The following FSTL5 variants were observed in gnomAD, a reference collection of about 807,000 sequenced individuals.
FSTL5 encodes the protein follistatin-related protein 5.
In FSTL5, 62 loss-of-function variants were observed where a neutral mutation model predicts 89.1. That is an observed-to-expected ratio of 0.70 (90% CI 0.57 to 0.86). FSTL5 has a LOEUF of 0.86. Among genes scored for constraint, FSTL5 ranks in the 40% least tolerant of loss-of-function variants. The pLI is 0.00. For synonymous variants in FSTL5, 383 were observed against 346.2 expected, an observed-to-expected ratio of 1.11 and a Z score of -1.18; for missense variants, 1,057 against 1,001.6, an observed-to-expected ratio of 1.06 and a Z score of -0.75.
At chr4:162,108,360 T>A (rs1278991678) in intron 2 of FSTL5, among the ~76,000 whole-genome samples, 1 of 152,068 alleles carries the variant, frequency 6.6e-6, no homozygotes. Context: ...CCTTTTTGAT[T>A]CCAAAATTGG....
chr4:161,838,444 G>A (rs949453536), intron 4 of FSTL5, among the ~76,000 whole-genome samples: 1 of 151,954 alleles, frequency 6.6e-6, no homozygotes, highest in Non-Finnish European at 1.5e-5. Flanking sequence ...CACCGCGCCC[G>A]GCTAATTTTT....
chr4:161,424,726 C>T (rs761514004), intron 15 of FSTL5, among the ~76,000 whole-genome samples: 35 of 152,122 alleles, frequency 2.3e-4, no homozygotes, highest in Non-Finnish European at 4.7e-4. Flanking sequence ...TTATTTTGGA[C>T]TGAGCTCCTG....
At chr4:161,578,325 G>C (rs1733305820) in intron 8 of FSTL5, among the ~76,000 whole-genome samples, 1 of 151,968 alleles carries the variant, frequency 6.6e-6, no homozygotes, top group African/African-American at 2.4e-5. Flanking sequence ...TTAGGAAAAA[G>C]AACTCTGGTA....
intron 3 of FSTL5, among the ~76,000 whole-genome samples, chr4:161,955,859 G>A (rs1233924395): frequency 6.6e-6 from 1 of 151,672 alleles, no homozygotes; most frequent in Non-Finnish European, 1.5e-5. Context: ...TAAAATAGAA[G>A]AGAACATTTT....
At chr4:162,111,815 T>C (rs1451464815) in intron 1 of FSTL5, among the ~76,000 whole-genome samples, 1 of 152,182 alleles carries the variant, frequency 6.6e-6, no homozygotes, top group Non-Finnish European at 1.5e-5. Context: ...CAAATCTTAA[T>C]AGACTTACCG....
chr4:161,700,281 T>C (rs1422857494), intron 6 of FSTL5, among the ~76,000 whole-genome samples: 3 of 152,158 alleles, frequency 2.0e-5, no homozygotes, highest in Non-Finnish European at 4.4e-5. Context: ...ATCTAATATA[T>C]GCTGAAGCCA....
chr4:161,439,867 T>C (rs1732699883), intron 15 of FSTL5, among the ~76,000 whole-genome samples: 1 of 152,160 alleles, frequency 6.6e-6, no homozygotes, highest in South Asian at 2.1e-4. Flanking sequence ...TTTTTGTGCA[T>C]CTAAGAATTA....
intron 3 of FSTL5, among the ~76,000 whole-genome samples, chr4:161,944,460 G>A (rs1480926531): frequency 5.3e-5 from 8 of 151,930 alleles, no homozygotes; most frequent in Non-Finnish European, 7.4e-5. Context: ...TAATGGTGAA[G>A]TGTAATTGAG....
intron 4 of FSTL5, among the ~76,000 whole-genome samples, chr4:161,793,586 G>A (rs1729542304): frequency 7.1e-6 from 1 of 140,484 alleles, no homozygotes; most frequent in African/African-American, 2.7e-5. Flanking sequence ...TGTCAAATAA[G>A]GTTGCTTTTG....
intron 3 of FSTL5, among the ~76,000 whole-genome samples, chr4:162,006,778 C>T (rs1193062908): frequency 2.6e-5 from 4 of 151,716 alleles, no homozygotes; most frequent in South Asian, 2.1e-4. Flanking sequence ...TTCAACATCA[C>T]GAAGAAAATA....
chr4:162,010,842 T>G (rs1432048939), intron 3 of FSTL5, among the ~76,000 whole-genome samples: 1 of 152,242 alleles, frequency 6.6e-6, no homozygotes, highest in African/African-American at 2.4e-5. Flanking sequence ...TATTCACCAG[T>G]TGACAAACAT....
Position 162,163,850 on chromosome 4 carries a change from G to A in FSTL5, c.-252C>T, listed in dbSNP as rs74766542. On this transcript the variant is annotated 5_prime_UTR_variant, in exon 1 of 16. Coordinates refer to ENST00000306100, the MANE Select transcript of FSTL5 (RefSeq NM_020116.5). ...CCTTTGTCAAGTTGATATGGGTCCT[G>A]TTGGTGAAGCGGGTCCCACAGGGCA... The A allele has an allele frequency of 0.042, 6,392 of 152,358 alleles. 146 individuals carry two copies. The highest frequency in any genetic ancestry group is 0.05 in the Admixed American group (765 of 15,306). The allele number at this position is 152,358 out of a possible 1,614,324, so 9.4% of individuals were successfully genotyped here.
intron 6 of FSTL5, among the ~76,000 whole-genome samples, chr4:161,732,016 A>T (rs1739627432): frequency 1.3e-5 from 2 of 151,536 alleles, no homozygotes; most frequent in South Asian, 2.1e-4. Context: ...TTCATTTTTC[A>T]TCTTCATTCT....
At chr4:162,010,652 A>G (rs571914939) in intron 3 of FSTL5, among the ~76,000 whole-genome samples, 1 of 152,338 alleles carries the variant, frequency 6.6e-6, no homozygotes, top group South Asian at 2.1e-4. Context: ...TTATGTATTT[A>G]CAGACTTGCC....
chr4:161,879,423 C>A (rs1732555315), intron 4 of FSTL5, among the ~76,000 whole-genome samples: 1 of 152,156 alleles, frequency 6.6e-6, no homozygotes, highest in Admixed American at 6.5e-5. Context: ...ACGATGCTTT[C>A]CCAGGCAAAG....
chr4:162,107,688 C>A (rs1731277126), intron 2 of FSTL5, among the ~76,000 whole-genome samples: 2 of 152,228 alleles, frequency 1.3e-5, no homozygotes, highest in African/African-American at 2.4e-5. Context: ...TATGGAGGAA[C>A]AAGAAAAACA....
intron 15 of FSTL5, among the ~76,000 whole-genome samples, chr4:161,434,932 A>T (rs1732504491): frequency 6.6e-6 from 1 of 152,046 alleles, no homozygotes; most frequent in Admixed American, 6.5e-5. Context: ...ACTAATGCTG[A>T]TGAGTATGGG....
At chr4:162,112,002 T>G (rs1731462582) in intron 1 of FSTL5, among the ~76,000 whole-genome samples, 1 of 152,216 alleles carries the variant, frequency 6.6e-6, no homozygotes. Context: ...TACAAGCACT[T>G]TAAACTAAAA....
chr4:162,073,873 T>A (rs1579006104), intron 2 of FSTL5, among the ~76,000 whole-genome samples: 1 of 151,888 alleles, frequency 6.6e-6, no homozygotes, highest in South Asian at 2.1e-4. Context: ...GTCGTTAACA[T>A]CCTCAGGCCA....
Sources: gnomAD v4.1 joint callset for allele counts (sites outside exome capture counted in the v4.1 genomes callset) on GRCh38, gnomAD v4.1.1 for gene constraint, MANE v1.5 for transcripts, NCBI Gene and HGNC (gene_info 2026-07-23, HGNC 2026-07-21) for gene names.